The following NKIRAS1 variants were observed in gnomAD, a reference collection of about 807,000 sequenced individuals.
The protein encoded by NKIRAS1 is NFKB inhibitor interacting Ras like 1.
Under a neutral mutation model 19.8 loss-of-function variants are expected in NKIRAS1, and 16 were observed. The ratio of observed to expected loss-of-function variants is 0.81; its 90% CI spans 0.55 to 1.23. NKIRAS1 has a LOEUF of 1.23. Among genes scored for constraint, NKIRAS1 ranks in the 50% most tolerant of loss-of-function variants. The pLI, the probability that NKIRAS1 is intolerant of heterozygous loss-of-function variation, is 0.00. For missense variants in NKIRAS1, 184 were observed against 220.0 expected (o/e 0.84, Z 1.04); for synonymous variants, 88 against 79.0 (o/e 1.11, Z -0.61).
chr3:23,925,727 A>G (rs946230450), intron 1 of NKIRAS1, among the ~76,000 whole-genome samples: 1 of 152,214 alleles, frequency 6.6e-6, no homozygotes, highest in South Asian at 2.1e-4. Flanking sequence ...TTATTGAGTT[A>G]ATTCATTTGG....
chr3:23,942,269 G>A (rs1300823714), intron 1 of NKIRAS1, among the ~76,000 whole-genome samples: 2 of 151,976 alleles, frequency 1.3e-5, no homozygotes, highest in African/African-American at 4.8e-5. Context: ...GTGAGCCACC[G>A]CGCCTGGCCT....
At chr3:23,912,993 A>T (rs1703928574) in intron 1 of NKIRAS1, among the ~76,000 whole-genome samples, 1 of 146,334 alleles carries the variant, frequency 6.8e-6, no homozygotes. Flanking sequence ...GTGAGCCGAG[A>T]TCATGCCACT....
chr3:23,914,200 T>C (rs1034954512), intron 1 of NKIRAS1, among the ~76,000 whole-genome samples: 4 of 150,588 alleles, frequency 2.7e-5, no homozygotes, highest in African/African-American at 7.3e-5. Flanking sequence ...AGAGTAAATA[T>C]ATGACCTGGT....
At chr3:23,945,664 G>A in intron 1 of NKIRAS1, 1 of 1,077,980 alleles carries the variant, frequency 9.3e-7, no homozygotes, top group Non-Finnish European at 1.2e-6. Context: ...GCACTTTGGG[G>A]GGCGGCGGCA....
intron 4 of NKIRAS1, among the ~76,000 whole-genome samples, chr3:23,894,289 G>C (rs932938185): frequency 3.3e-5 from 5 of 152,180 alleles, no homozygotes; most frequent in African/African-American, 1.2e-4. Flanking sequence ...TGGGCAGCAA[G>C]AACTGTCAAA....
At chr3:23,945,650 CG>C in intron 1 of NKIRAS1, 1 of 477,974 alleles carries the variant, frequency 2.1e-6, no homozygotes. Context: ...TCAGAGCCCG[CG>C]GGGCACTTTG....
intron 3 of NKIRAS1, among the ~76,000 whole-genome samples, chr3:23,908,125 C>T (rs1703254971): frequency 6.6e-6 from 1 of 152,060 alleles, no homozygotes; most frequent in East Asian, 1.9e-4. Flanking sequence ...GGTATTTCAT[C>T]AGATATTAAC....
chr3:23,930,699 C>G (rs1328732565), intron 1 of NKIRAS1, among the ~76,000 whole-genome samples: 1 of 151,930 alleles, frequency 6.6e-6, no homozygotes, highest in Non-Finnish European at 1.5e-5. Context: ...AAAGTAATCT[C>G]TTTCATTTTT....
intron 1 of NKIRAS1, among the ~76,000 whole-genome samples, chr3:23,912,342 A>G (rs1703829129): frequency 6.6e-6 from 1 of 152,206 alleles, no homozygotes; most frequent in Non-Finnish European, 1.5e-5. Context: ...AAAAATTTAT[A>G]AGAAAAAAAC....
In NKIRAS1 at chr3:23,926,737, C is replaced by G. The variant is rs896267084; in HGVS notation, c.-139-15287G>C. On this transcript the variant is annotated intron_variant, in intron 1 of 4. Coordinates refer to the NKIRAS1 transcript ENST00000421515. This position sits in a 1 kb window ranked among gnomAD's most constrained non-coding sequence, Gnocchi z 4.3. The stretch of plus-strand genomic sequence containing the variant: ...CAAACTGTAGAAGAATGAACTGCTA[C>G]AACACCTTTTCTAAGAAAAAAGGTT... Among the ~76,000 whole-genome samples the G allele has an allele frequency of 6.6e-6, 1 of 152,202 alleles. No individual in the cohort carries two copies. Among genetic ancestry groups the G allele is most frequent in the African/African-American group, 2.4e-5 (1 of 41,458 alleles).
intron 1 of NKIRAS1, among the ~76,000 whole-genome samples, chr3:23,934,409 T>C (rs1025512165): frequency 2.6e-5 from 4 of 152,354 alleles, no homozygotes; most frequent in African/African-American, 9.6e-5. Context: ...CATAATGATA[T>C]GTCTCTTGTG....
upstream of NKIRAS1, chr3:23,920,544 C>G: frequency 4.1e-6 from 4 of 985,298 alleles, no homozygotes; most frequent in South Asian, 1.9e-4. Context: ...TTCCAGGAGA[C>G]TAGACTACTG....
upstream of NKIRAS1, chr3:23,918,017 A>G (rs757838005): frequency 4.3e-6 from 7 of 1,609,442 alleles, no homozygotes; most frequent in Non-Finnish European, 5.9e-6. Context: ...CGACTGGGCT[A>G]CAAGGCCAAG....
rs1041929010 is a variant in NKIRAS1, at chr3:23,892,070, T to C, written c.*1025A>G. The C allele has an allele frequency of 1.3e-5, 2 of 152,368 alleles. No individual in the cohort carries two copies. The highest frequency in any genetic ancestry group is 6.8e-3 in the Middle Eastern group (2 of 294). 9.4% of individuals were successfully genotyped at this position (152,368 alleles called of 1,614,324 possible). On this transcript the variant is annotated 3_prime_UTR_variant, in exon 5 of 5. Transcript: ENST00000425478. ...TGAAAAAAGTATTCCATTTAAGATG[T>C]TACAAATTACTTGATGTTTTAATAT...
intron 1 of NKIRAS1, among the ~76,000 whole-genome samples, chr3:23,932,437 C>A (rs187549317): frequency 2.0e-5 from 3 of 152,184 alleles, no homozygotes; most frequent in Admixed American, 2.0e-4. Context: ...GCCTGTAATT[C>A]CAGCACTTTT....
At chr3:23,917,096 G>T (rs762865148), upstream of NKIRAS1, 2 of 152,548 alleles carry the variant, frequency 1.3e-5, no homozygotes, top group Non-Finnish European at 2.9e-5. Flanking sequence ...CGGAAAGAGG[G>T]TGGCTGAGGT....
At chr3:23,908,598 TC>T (rs1425366711) in intron 3 of NKIRAS1, among the ~76,000 whole-genome samples, 1 of 152,238 alleles carries the variant, frequency 6.6e-6, no homozygotes, top group Non-Finnish European at 1.5e-5. Context: ...ATAATTTTTT[TC>T]ATAAAGTTAT....
At chr3:23,901,178 A>G in intron 3 of NKIRAS1, 129 bp from the exon 4 acceptor site, 1 of 938,556 alleles carries the variant, frequency 1.1e-6, no homozygotes, top group Non-Finnish European at 1.5e-6. Flanking sequence ...TTTCTATTTT[A>G]CTTTTTTTTT....
At chr3:23,932,061 G>T (rs1351601614) in intron 1 of NKIRAS1, among the ~76,000 whole-genome samples, 1 of 152,154 alleles carries the variant, frequency 6.6e-6, no homozygotes, top group Non-Finnish European at 1.5e-5. Context: ...AAGGAGTGTG[G>T]CTTGAAGTTT....
Sources: allele counts gnomAD v4.1 joint callset (sites outside exome capture counted in the v4.1 genomes callset), GRCh38; gene constraint gnomAD v4.1.1; non-coding constraint Gnocchi (gnomAD v3.1); transcripts MANE v1.5; gene names NCBI Gene and HGNC (gene_info 2026-07-23, HGNC 2026-07-21).